RAB11FIP2: variants seen among roughly 807,000 people sequenced by gnomAD.
The protein encoded by RAB11FIP2 is rab11 family-interacting protein 2.
In RAB11FIP2, 16 loss-of-function variants were observed where a neutral mutation model predicts 40.9. The observed-to-expected ratio is 0.39, with a 90% confidence interval of 0.26 to 0.59. The LOEUF is 0.59. Among genes scored for constraint, RAB11FIP2 ranks in the 20% least tolerant of loss-of-function variants. The pLI, the probability that RAB11FIP2 is intolerant of heterozygous loss-of-function variation, is 0.53. For synonymous variants in RAB11FIP2, 228 were observed against 213.7 expected, an observed-to-expected ratio of 1.07 and a Z score of -0.58; for missense variants, 532 against 606.2, an observed-to-expected ratio of 0.88 and a Z score of 1.28.
chr10:118,010,000 C>T (rs1251142644), intron 4 of RAB11FIP2, among the ~76,000 whole-genome samples: 5 of 152,156 alleles, frequency 3.3e-5, no homozygotes, highest in East Asian at 1.9e-4. Flanking sequence ...GACAAAAATT[C>T]TTTTTAGGCA....
At chr10:118,027,482 A>C (rs1278568967) in intron 3 of RAB11FIP2, among the ~76,000 whole-genome samples, 1 of 152,238 alleles carries the variant, frequency 6.6e-6, no homozygotes, top group Non-Finnish European at 1.5e-5. Context: ...GAAGATAAAA[A>C]GTCTCTATGA....
chr10:118,009,427 T>C (rs1470828134), intron 4 of RAB11FIP2, among the ~76,000 whole-genome samples: 1 of 152,184 alleles, frequency 6.6e-6, no homozygotes, highest in Non-Finnish European at 1.5e-5. Context: ...GTTTTGACTA[T>C]AACTCTAAAT....
intron 3 of RAB11FIP2, among the ~76,000 whole-genome samples, chr10:118,035,525 A>G (rs770743686): frequency 2.0e-5 from 3 of 152,158 alleles, no homozygotes; most frequent in Non-Finnish European, 2.9e-5. Flanking sequence ...GTAGCATTTC[A>G]GGAAACTGCT....
Position 118,040,383 on chromosome 10 carries a change from G to C in RAB11FIP2, c.536C>G (p.Thr179Arg). Residue 179 changes from threonine (T) to arginine (R), a missense_variant, in exon 2 of 5, where the codon ACA becomes AGA. By Grantham distance (71) the Thr-to-Arg change is moderately conservative (BLOSUM62 -1). Coordinates refer to ENST00000355624, the MANE Select transcript of RAB11FIP2 (RefSeq NM_014904.3). ...GATTGCAGAAGACGTATCAGAAAATGTTCCATCATTTTTTCTACCCTTCAT... is the reference window on the plus strand; with the variant it reads ...GATTGCAGAAGACGTATCAGAAAATCTTCCATCATTTTTTCTACCCTTCAT... ...DKMKGRKNDGTFSDTSSAIIP... is the reference protein window; with the variant it reads ...DKMKGRKNDGRFSDTSSAIIP... The C allele has an allele frequency of 6.2e-7, 1 of 1,613,872 alleles. No individual in the cohort carries two copies. Among genetic ancestry groups the C allele is most frequent in the Non-Finnish European group, 8.5e-7 (1 of 1,179,796 alleles).
In RAB11FIP2 at chr10:118,005,929, C is replaced by T. The variant is rs979331652; in HGVS notation, c.*3069G>A. The T allele has an allele frequency of 3.3e-5, 5 of 152,392 alleles. No homozygotes were observed. The highest frequency in any genetic ancestry group is 1.2e-4 in the African/African-American group (5 of 41,376). 9.4% of individuals were successfully genotyped at this position (152,392 alleles called of 1,614,324 possible). On this transcript the variant is annotated 3_prime_UTR_variant, in exon 5 of 5. Transcript: ENST00000355624. ...TCATGAAACCCTTTTAAATACAAGG[C>T]AACATTTTCACAGCTGGAAAATTAC... is the stretch of plus-strand genomic sequence containing the variant.
chr10:118,022,975 C>A (rs1564832106), intron 3 of RAB11FIP2, among the ~76,000 whole-genome samples: 1 of 152,130 alleles, frequency 6.6e-6, no homozygotes, highest in Non-Finnish European at 1.5e-5. Context: ...TATATCTATA[C>A]CTGATGATAC....
intron 3 of RAB11FIP2, among the ~76,000 whole-genome samples, chr10:118,016,622 T>C (rs1322576758): frequency 6.6e-6 from 1 of 152,170 alleles, no homozygotes; most frequent in Non-Finnish European, 1.5e-5. Context: ...TGTTTTCTAA[T>C]AGGTCAAGAA....
At chr10:118,024,702 G>A (rs2133171021) in intron 3 of RAB11FIP2, among the ~76,000 whole-genome samples, 1 of 152,182 alleles carries the variant, frequency 6.6e-6, no homozygotes, top group Non-Finnish European at 1.5e-5. Context: ...CTTCCATGAG[G>A]GTGCAAGCAA....
At chr10:118,029,681 G>T (rs973170668) in intron 3 of RAB11FIP2, among the ~76,000 whole-genome samples, 1 of 152,058 alleles carries the variant, frequency 6.6e-6, no homozygotes, top group Admixed American at 6.6e-5. Flanking sequence ...TGATGGGCTA[G>T]AGTAGCACCA....
At chr10:118,039,983 G>T (rs560545291) in intron 2 of RAB11FIP2, 140 bp downstream of exon 2, 10 of 697,054 alleles carry the variant, frequency 1.4e-5, no homozygotes, top group Middle Eastern at 2.6e-4. Flanking sequence ...GGTATAGTAG[G>T]TACTCAATAT....
At chr10:118,035,829 G>A (rs1318869125) in intron 3 of RAB11FIP2, among the ~76,000 whole-genome samples, 2 of 151,954 alleles carry the variant, frequency 1.3e-5, no homozygotes, top group Non-Finnish European at 1.5e-5. Flanking sequence ...TACAAGAACA[G>A]GAAATGCTTC....
Position 118,038,969 on chromosome 10 carries a change from T to C in RAB11FIP2, c.1265+3A>G. On this transcript the variant is annotated splice_donor_region_variant and intron_variant, in intron 3 of 4. Coordinates refer to ENST00000355624, the MANE Select transcript of RAB11FIP2 (RefSeq NM_014904.3). ...AGTAGAACTTCCCCCATATTAAGCTTACCTTGAAGATGGCATTATATTTGA... is the reference window on the plus strand; with the variant it reads ...AGTAGAACTTCCCCCATATTAAGCTCACCTTGAAGATGGCATTATATTTGA... The C allele has an allele frequency of 6.4e-7, 1 of 1,568,688 alleles. No homozygotes were observed. Among genetic ancestry groups the C allele is most frequent in the Non-Finnish European group, 8.6e-7 (1 of 1,157,884 alleles).
At chr10:118,024,416 C>A (rs1846318397) in intron 3 of RAB11FIP2, among the ~76,000 whole-genome samples, 1 of 151,332 alleles carries the variant, frequency 6.6e-6, no homozygotes, top group Non-Finnish European at 1.5e-5. Flanking sequence ...TTGGTCTGTT[C>A]CCCTGAGTAG....
At chr10:118,024,470 CGT>C (rs55723398) in intron 3 of RAB11FIP2, among the ~76,000 whole-genome samples, 14,002 of 131,618 alleles carry the variant, frequency 0.11, 1,131 homozygotes, top group East Asian at 0.5. Context: ...TCATCATCAT[CGT>C]GTGTGTGTGT....
intron 2 of RAB11FIP2, chr10:118,039,642 T>C: frequency 3.5e-6 from 2 of 573,844 alleles, no homozygotes; most frequent in Non-Finnish European, 6.1e-6. Context: ...ACTAGCATAT[T>C]GCTAGACCAT....
In RAB11FIP2 at chr10:118,008,792, A is replaced by G. The variant is rs1025462257; in HGVS notation, c.*206T>C. The stretch of plus-strand genomic sequence containing the variant: ...TCATTGAGAATCTGGCCCATTTTCA[A>G]TTTAAACATTTAAATGATTTAGCTT... On this transcript the variant is annotated 3_prime_UTR_variant, in exon 5 of 5. Transcript: ENST00000355624. 12 of 555,440 alleles carry G rather than the reference A, an allele frequency of 2.2e-5. No homozygotes were observed. The highest frequency in any genetic ancestry group is 1.7e-4 in the African/African-American group (9 of 52,890). 34.4% of individuals were successfully genotyped at this position (555,440 alleles called of 1,614,324 possible). A position where few individuals can be genotyped will look rare whatever the true frequency, so the allele number is the denominator to read the frequency against.
intron 4 of RAB11FIP2, among the ~76,000 whole-genome samples, chr10:118,011,721 C>G (rs970199250): frequency 1.3e-5 from 2 of 151,934 alleles, no homozygotes; most frequent in African/African-American, 4.8e-5. Flanking sequence ...TTTTTCTAAA[C>G]CCCACTTTAA....
Position 118,046,022 on chromosome 10 carries a change from A to G in RAB11FIP2, c.142T>C (p.Ser48Pro). ...AGGGTTTTCTCAGCTACAGAGGTGG[A>G]GTACTTTTCCTTGCCCAGCTGAATT... ...TIIQLGKEKY[S>P]TSVAEKTLEP... The change falls in exon 1 of 5, where the codon TCC becomes CCC. Residue 48 changes from serine to proline, a missense_variant. Transcript: ENST00000355624. The G allele has an allele frequency of 6.2e-7, 1 of 1,614,224 alleles. No individual in the cohort carries two copies. Among genetic ancestry groups the G allele is most frequent in the Non-Finnish European group, 8.5e-7 (1 of 1,180,046 alleles).
rs1846089543 is a variant in RAB11FIP2 at position 118,006,282 on chromosome 10, A to T, written c.*2716T>A. On this transcript the variant is annotated 3_prime_UTR_variant, in exon 5 of 5. Coordinates refer to ENST00000355624, the MANE Select transcript of RAB11FIP2 (RefSeq NM_014904.3). ...AATAGTTTAATTATGTAACAGAAGT[A>T]CATTAGCTTAAGATAGTCTTGAGAT... The T allele has an allele frequency of 6.6e-6, 1 of 152,614 alleles. No individual in the cohort carries two copies. The highest frequency in any genetic ancestry group is 2.4e-5 in the African/African-American group (1 of 41,454). The allele number at this position is 152,614 out of a possible 1,614,324, so 9.5% of individuals were successfully genotyped here.
Sources: allele counts gnomAD v4.1 joint callset (sites outside exome capture counted in the v4.1 genomes callset), GRCh38; gene constraint gnomAD v4.1.1; transcripts MANE v1.5; gene names NCBI Gene and HGNC (gene_info 2026-07-23, HGNC 2026-07-21).